The following SBF2 variants were observed in gnomAD, a reference collection of about 807,000 sequenced individuals.
SBF2 encodes SET binding factor 2.
A neutral mutation model predicts 225.2 loss-of-function variants in SBF2; 112 were observed. The ratio of observed to expected loss-of-function variants is 0.50; its 90% CI spans 0.43 to 0.58. The LOEUF is 0.58. SBF2 is among the 20% of genes least tolerant of loss of function. The pLI is 0.00. For synonymous variants in SBF2, 763 were observed against 773.3 expected, an observed-to-expected ratio of 0.99 and a Z score of 0.22; for missense variants, 1,996 against 2,206.2, an observed-to-expected ratio of 0.90 and a Z score of 1.91.
At chr11:10,164,635 T>C (rs1955877346) in intron 2 of SBF2, among the ~76,000 whole-genome samples, 1 of 152,174 alleles carries the variant, frequency 6.6e-6, no homozygotes, top group Admixed American at 6.5e-5. Context: ...CTTTAATCTA[T>C]CTTGGTTCCA....
rs3751001 is a variant in SBF2 at position 9,779,274 on chromosome 11, T to C, written c.*1144A>G. 0.046 allele frequency: 7,006 copies of C among 152,750 alleles called. 501 individuals carry two copies. Among genetic ancestry groups the C allele is most frequent in the East Asian group, 0.32 (1,637 of 5,186 alleles). 9.5% of individuals were successfully genotyped at this position (152,750 alleles called of 1,614,324 possible). A position where few individuals can be genotyped will look rare whatever the true frequency, so the allele number is the denominator to read the frequency against. ...TCATATATACACATTTTTGAAATAT[T>C]AGTTTAGTATTTAACATATTAACAT... On this transcript the variant is annotated 3_prime_UTR_variant, in exon 40 of 40. Transcript: ENST00000256190.
chr11:10,234,277 A>T (rs548689041), intron 1 of SBF2, among the ~76,000 whole-genome samples: 80 of 152,278 alleles, frequency 5.3e-4, no homozygotes, highest in African/African-American at 1.7e-3. Flanking sequence ...TTACCCTGGC[A>T]TCAAGGATGT....
chr11:9,908,336 A>C (rs1590399528), intron 16 of SBF2, among the ~76,000 whole-genome samples: 1 of 152,214 alleles, frequency 6.6e-6, no homozygotes, highest in East Asian at 1.9e-4. Context: ...TAGAGAAGGC[A>C]GATGGGGGGC....
At chr11:9,958,824 C>A in intron 16 of SBF2, 2 of 579,952 alleles carry the variant, frequency 3.4e-6, no homozygotes, top group South Asian at 1.7e-5. Context: ...GGGTCACAGT[C>A]GGCAGAGAGG....
At chr11:10,094,528 A>ATTCTTTTTTTT (rs1951931872) in intron 2 of SBF2, among the ~76,000 whole-genome samples, 1 of 107,300 alleles carries the variant, frequency 9.3e-6, no homozygotes, top group Non-Finnish European at 1.9e-5. Flanking sequence ...ATACACACAG[A>ATTCTTTTTTTT]TTTTTTTTTT....
intron 2 of SBF2, among the ~76,000 whole-genome samples, chr11:10,074,469 C>T (rs1034000644): frequency 1.3e-5 from 2 of 152,108 alleles, no homozygotes; most frequent in Non-Finnish European, 2.9e-5. Flanking sequence ...AAATGTTCTT[C>T]GAATTTTATA....
chr11:9,871,475 T>TATTATTATC (rs1275019570), intron 17 of SBF2, among the ~76,000 whole-genome samples: 3 of 135,936 alleles, frequency 2.2e-5, no homozygotes, highest in Admixed American at 7.1e-5. Flanking sequence ...TGACGCTTAT[T>TATTATTATC]ATTATTATTA....
At chr11:9,964,343 T>C (rs940363739) in intron 14 of SBF2, among the ~76,000 whole-genome samples, 1 of 152,248 alleles carries the variant, frequency 6.6e-6, no homozygotes. Flanking sequence ...TTATTTTGAT[T>C]ACATGTTCCA....
chr11:9,847,187 G>T, intron 22 of SBF2, 104 bp from the exon 23 acceptor site: 1 of 1,400,216 alleles, frequency 7.1e-7, no homozygotes, highest in South Asian at 1.2e-5. Context: ...TGTATTTGAA[G>T]AGGACACTGC....
intron 2 of SBF2, among the ~76,000 whole-genome samples, chr11:10,120,361 C>T (rs1953379289): frequency 6.6e-6 from 1 of 152,156 alleles, no homozygotes; most frequent in Non-Finnish European, 1.5e-5. Context: ...TACTTCTTGG[C>T]TGCAGTAAAT....
chr11:9,963,412 C>T (rs1590622384), intron 15 of SBF2, among the ~76,000 whole-genome samples: 1 of 152,056 alleles, frequency 6.6e-6, no homozygotes, highest in Non-Finnish European at 1.5e-5. Context: ...CTGCAGTGAG[C>T]CAAGATCATG....
intron 2 of SBF2, among the ~76,000 whole-genome samples, chr11:10,089,389 A>C (rs1474399583): frequency 6.6e-6 from 1 of 152,236 alleles, no homozygotes; most frequent in African/African-American, 2.4e-5. Flanking sequence ...ACATGCCAAT[A>C]AAAGTTTCAC....
intron 16 of SBF2, chr11:9,960,664 A>G (rs996267437): frequency 1.3e-5 from 2 of 151,548 alleles, no homozygotes; most frequent in Admixed American, 6.6e-5. Flanking sequence ...TTAAATAATA[A>G]TAATTATTAT....
chr11:10,072,301 A>G lies in SBF2; in HGVS notation c.142-29320T>C, dbSNP rs546129837. Among the ~76,000 whole-genome samples the G allele has an allele frequency of 4.6e-5, 7 of 152,306 alleles. No individual in the cohort carries two copies. In the East Asian group the frequency reaches 1.2e-3, roughly 25 times the overall value. On this transcript the variant is annotated intron_variant, in intron 2 of 39. Coordinates refer to ENST00000256190, the MANE Select transcript of SBF2 (RefSeq NM_030962.4). ...AACGGTTTCTAAGAAAACATGACTC[A>G]TATCAAGGATTTGTATATTTTAAGG...
intron 2 of SBF2, among the ~76,000 whole-genome samples, chr11:10,158,094 T>C (rs1955559361): frequency 6.6e-6 from 1 of 151,926 alleles, no homozygotes. Context: ...AACCAATGTA[T>C]CGAAGAATAA....
chr11:9,785,270 G>C lies in SBF2; in HGVS notation c.5086C>G (p.Pro1696Ala), dbSNP rs1328602511. 6.2e-7 allele frequency: 1 copy of C among 1,614,074 alleles called. No individual in the cohort carries two copies. Among genetic ancestry groups the C allele is most frequent in the Non-Finnish European group, 8.5e-7 (1 of 1,180,012 alleles). Residue 1696 changes from proline to alanine, a missense_variant, in exon 37 of 40, where the codon CCT becomes GCT. Physicochemically the swap from Pro to Ala is conservative, Grantham distance 27. Transcript: ENST00000256190. ...RSPGIVSTNL[P>A]SYQKRSLLHL... ...AGCAGAGACCTCTTCTGATAGGAAG[G>C]TAGGTTGGTAGACACAATTCCTGGG...
chr11:10,040,102 G>A (rs1949596415), intron 3 of SBF2, among the ~76,000 whole-genome samples: 1 of 151,970 alleles, frequency 6.6e-6, no homozygotes, highest in Admixed American at 6.6e-5. Flanking sequence ...AGAATCATTA[G>A]TAAATGCTGA....
rs537446453 is a variant in SBF2, at chr11:10,104,270, A to G, written c.142-61289T>C. 1.8e-4 allele frequency among the ~76,000 whole-genome samples: 28 copies of G among 152,326 alleles called. No individual in the cohort carries two copies. In the South Asian group the frequency reaches 4.8e-3, roughly 26 times the overall value. On this transcript the variant is annotated intron_variant, in intron 2 of 39. Transcript: ENST00000256190. ...CACGATCTATCCTGGAAAATGTTCCATGTGTAACTGAGAAGAATTTGAAAA... is the reference window on the plus strand; with the variant it reads ...CACGATCTATCCTGGAAAATGTTCCGTGTGTAACTGAGAAGAATTTGAAAA...
At chr11:9,885,925 G>A (rs954295338) in intron 17 of SBF2, among the ~76,000 whole-genome samples, 1 of 152,044 alleles carries the variant, frequency 6.6e-6, no homozygotes, top group Non-Finnish European at 1.5e-5. Flanking sequence ...CTAGGAGATG[G>A]GATGCGTTCT....
Sources: gnomAD v4.1 joint callset for allele counts (sites outside exome capture counted in the v4.1 genomes callset) on GRCh38, gnomAD v4.1.1 for gene constraint, MANE v1.5 for transcripts, NCBI Gene and HGNC (gene_info 2026-07-23, HGNC 2026-07-21) for gene names.